JMJD1C: variants seen among roughly 807,000 people sequenced by gnomAD.
JMJD1C encodes jumonji domain containing 1C, also known as jumonji domain-containing protein 1C.
A neutral mutation model predicts 245.3 loss-of-function variants in JMJD1C; 31 were observed. The ratio of observed to expected loss-of-function variants is 0.13; its 90% CI spans 0.09 to 0.17. The LOEUF is 0.17. Among genes scored for constraint, JMJD1C ranks in the 10% least tolerant of loss-of-function variants. The pLI, the probability that JMJD1C is intolerant of heterozygous loss-of-function variation, is 1.00. For missense variants in JMJD1C, 2,691 were observed against 3,000.2 expected, an observed-to-expected ratio of 0.90 and a Z score of 2.41; for synonymous variants, 1,057 against 1,017.4, an observed-to-expected ratio of 1.04 and a Z score of -0.74.
At position 63,377,306 on chromosome 10, in the gene JMJD1C, C is replaced by G. The variant is rs575573781; in HGVS notation, c.333+3012G>C. Among the ~76,000 whole-genome samples the G allele has an allele frequency of 2.0e-5, 3 of 152,300 alleles. No individual in the cohort carries two copies. The East Asian group carries it at 5.8e-4, about 29-fold the overall frequency. ...TCAGTTTTGCAAGACAGAAAATGTT[C>G]TGTGTTTGGATGACAATAGTGGTAA... On this transcript the variant is annotated intron_variant, in intron 2 of 25. Coordinates refer to ENST00000399262, the MANE Select transcript of JMJD1C (RefSeq NM_032776.3).
At chr10:63,464,667 G>A (rs1953060206) in intron 1 of JMJD1C, among the ~76,000 whole-genome samples, 1 of 148,236 alleles carries the variant, frequency 6.7e-6, no homozygotes, top group African/African-American at 2.5e-5. Flanking sequence ...GCTACTCAAA[G>A]AAAGCACTGG....
In JMJD1C at chr10:63,213,952, G is replaced by A. The variant is rs777777044; in HGVS notation, c.2215C>T (p.Pro739Ser). 1.2e-6 allele frequency: 2 copies of A among 1,614,006 alleles called. No individual in the cohort carries two copies. Among genetic ancestry groups the A allele is most frequent in the African/African-American group, 1.3e-5 (1 of 74,994 alleles). The change falls in exon 8 of 26, where the codon CCT (proline) becomes TCT (serine). Residue 739 changes from proline (P) to serine (S), a missense_variant. By Grantham distance (74) the Pro-to-Ser change is moderately conservative (BLOSUM62 -1). This residue lies in a region of JMJD1C where 1,562 missense variants were observed against 1,490.7 expected (regional missense o/e 1.05). Transcript: ENST00000399262. Reference protein sequence around the residue: ...ISPFLSQHPFPLHSSSHRTCL... With the variant: ...ISPFLSQHPFSLHSSSHRTCL... The stretch of plus-strand genomic sequence containing the variant: ...GTTCTATGAGATGAGGAGTGAAGAG[G>A]AAAAGGATGCTGGCTTAGGAAAGGT...
At chr10:63,204,412 G>A (rs760023346) in intron 10 of JMJD1C, 8 of 984,602 alleles carry the variant, frequency 8.1e-6, no homozygotes, top group Non-Finnish European at 9.6e-6. Context: ...AAGAGAATAC[G>A]TATTTCACTA....
chr10:63,219,008 G>T (rs545098686), intron 4 of JMJD1C, among the ~76,000 whole-genome samples: 2 of 152,128 alleles, frequency 1.3e-5, no homozygotes, highest in Admixed American at 6.5e-5. Context: ...TTGATAGAAG[G>T]GGGTATGGAT....
At chr10:63,466,155 GGCA>G, upstream of JMJD1C, 4 of 190,902 alleles carry the variant, frequency 2.1e-5, no homozygotes, top group Non-Finnish European at 4.2e-5. Context: ...CGGCGGCGGC[GGCA>G]GCGGGAGACG....
chr10:63,333,792 T>A (rs988146564), intron 2 of JMJD1C, among the ~76,000 whole-genome samples: 8 of 152,180 alleles, frequency 5.3e-5, no homozygotes, highest in African/African-American at 1.7e-4. Context: ...CTTAAAATTG[T>A]CAGAGACTTT....
chr10:63,227,997 T>A (rs1260174722), intron 3 of JMJD1C, among the ~76,000 whole-genome samples: 1 of 152,176 alleles, frequency 6.6e-6, no homozygotes, highest in Admixed American at 6.6e-5. Context: ...AGTTTGAAAG[T>A]TGCTACAGGG....
chr10:63,335,922 A>G (rs760758528), intron 2 of JMJD1C, among the ~76,000 whole-genome samples: 17 of 151,988 alleles, frequency 1.1e-4, no homozygotes, highest in Admixed American at 5.9e-4. Context: ...GGAGTTCAAG[A>G]ACAGCCTGGG....
At chr10:63,514,022 A>G (rs10761778) in intron 1 of JMJD1C, among the ~76,000 whole-genome samples, 63,937 of 152,026 alleles carry the variant, frequency 0.42, 14,177 homozygotes, top group South Asian at 0.53. Flanking sequence ...AACAAACATG[A>G]AAAAAGAGGC....
upstream of JMJD1C, chr10:63,465,992 C>T (rs375284914): frequency 9.9e-5 from 29 of 291,544 alleles, no homozygotes; most frequent in South Asian, 1.2e-3. Flanking sequence ...CGTCTCCCTC[C>T]CCGGGCAGCG....
intron 1 of JMJD1C, among the ~76,000 whole-genome samples, chr10:63,444,213 GT>G (rs1325512514): frequency 6.6e-6 from 1 of 152,132 alleles, no homozygotes; most frequent in African/African-American, 2.4e-5. Flanking sequence ...AAAATAAAAA[GT>G]GATGCATCTC....
intron 1 of JMJD1C, chr10:63,427,881 A>G: frequency 1.3e-6 from 1 of 786,600 alleles, no homozygotes. Context: ...TGGCACTGGC[A>G]GCTACAGAGA....
chr10:63,189,433 C>T lies in JMJD1C; in HGVS notation c.6305G>A (p.Gly2102Glu), dbSNP rs762916406. 1.2e-6 allele frequency: 2 copies of T among 1,611,516 alleles called. No individual in the cohort carries two copies. The highest frequency in any genetic ancestry group is 1.1e-5 in the South Asian group (1 of 90,740). The change falls in exon 18 of 26, where the codon GGA becomes GAA. Residue 2102 changes from glycine (G) to glutamate (E), a missense_variant. Gly to Glu is a moderately conservative substitution (Grantham distance 98, BLOSUM62 -2). Coordinates refer to ENST00000399262, the MANE Select transcript of JMJD1C (RefSeq NM_032776.3). ...YSMGAPSSKS[G>E]RTMPNILDDI... The stretch of plus-strand genomic sequence containing the variant: ...ATCAAGAATGTTAGGCATAGTCCGT[C>T]CACTTTTGCTACTCTATTAAGGAAA...
At chr10:63,187,850 T>C (rs1283991536) in intron 18 of JMJD1C, among the ~76,000 whole-genome samples, 1 of 152,206 alleles carries the variant, frequency 6.6e-6, no homozygotes, top group African/African-American at 2.4e-5. Flanking sequence ...ATTATACAGA[T>C]TCCACAATTA....
In JMJD1C at chr10:63,465,849, A is replaced by T. The variant is rs1354943256; in HGVS notation, c.-187T>A. The T allele has an allele frequency of 1.4e-6, 1 of 700,602 alleles. No individual in the cohort carries two copies. The highest frequency in any genetic ancestry group is 2.6e-6 in the Non-Finnish European group (1 of 387,754). 43.4% of individuals were successfully genotyped at this position (700,602 alleles called of 1,614,324 possible). On this transcript the variant is annotated 5_prime_UTR_variant, in exon 1 of 26. Transcript: ENST00000399262. Reference sequence around the variant, plus strand: ...GCGACCTCGGGCCCTCCCCGCAAACACTCCTTTGGACTCCCAGATTCGCAG... The same window carrying T: ...GCGACCTCGGGCCCTCCCCGCAAACTCTCCTTTGGACTCCCAGATTCGCAG...
chr10:63,406,246 C>A (rs1949163531), intron 1 of JMJD1C, among the ~76,000 whole-genome samples: 1 of 152,064 alleles, frequency 6.6e-6, no homozygotes, highest in South Asian at 2.1e-4. Context: ...CAGAGAATAT[C>A]TAGTCACTTT....
chr10:63,331,777 C>A (rs1202991753), intron 2 of JMJD1C, among the ~76,000 whole-genome samples: 1 of 152,134 alleles, frequency 6.6e-6, no homozygotes, highest in Non-Finnish European at 1.5e-5. Context: ...GCCACCACGC[C>A]CAACTAATTT....
At chr10:63,345,711 G>T (rs1282355303) in intron 2 of JMJD1C, among the ~76,000 whole-genome samples, 1 of 152,094 alleles carries the variant, frequency 6.6e-6, no homozygotes, top group African/African-American at 2.4e-5. Context: ...TAAGGTAAGA[G>T]AACTATTTTG....
intron 3 of JMJD1C, among the ~76,000 whole-genome samples, chr10:63,234,521 A>AAAAC (rs1850467689): frequency 1.5e-5 from 2 of 137,294 alleles, no homozygotes; most frequent in African/African-American, 5.3e-5. Context: ...AAAAAAAAAA[A>AAAAC]CACCAAAAAC....
Sources: allele counts gnomAD v4.1 joint callset (sites outside exome capture counted in the v4.1 genomes callset), GRCh38; gene constraint gnomAD v4.1.1; regional missense constraint gnomAD v4.1.1; transcripts MANE v1.5; gene names NCBI Gene and HGNC (gene_info 2026-07-23, HGNC 2026-07-21).